RYK: variants seen among roughly 807,000 people sequenced by gnomAD.
The protein encoded by RYK is receptor like tyrosine kinase.
RYK carries 21 observed loss-of-function variants against 70.2 expected under a neutral mutation model. The observed-to-expected ratio is 0.30, with a 90% CI of 0.21 to 0.43. RYK has a LOEUF of 0.43. Ranked by LOEUF, RYK falls within the 20% of genes least tolerant of loss-of-function variation. The pLI is 1.00. For missense variants in RYK, 604 were observed against 753.3 expected, an observed-to-expected ratio of 0.80 and a Z score of 2.32; for synonymous variants, 267 against 278.0, an observed-to-expected ratio of 0.96 and a Z score of 0.39.
intron 1 of RYK, among the ~76,000 whole-genome samples, chr3:134,227,444 G>A (rs372506106): frequency 9.9e-5 from 15 of 151,282 alleles, no homozygotes; most frequent in African/African-American, 3.2e-4. Flanking sequence ...TGCCAACAAC[G>A]ATCTTGAAAA....
At chr3:134,236,953 C>A (rs1236832586) in intron 1 of RYK, among the ~76,000 whole-genome samples, 2 of 152,184 alleles carry the variant, frequency 1.3e-5, no homozygotes, top group African/African-American at 4.8e-5. Flanking sequence ...ATTAACCAGA[C>A]TTAAATTTCC....
At chr3:134,235,287 G>C (rs1030380397) in intron 1 of RYK, among the ~76,000 whole-genome samples, 1 of 151,490 alleles carries the variant, frequency 6.6e-6, no homozygotes, top group African/African-American at 2.4e-5. Flanking sequence ...AATTGTCAAT[G>C]CATGGTTAAT....
rs138004353 is a variant in RYK, at chr3:134,191,166, A to G, written c.1015+683T>C. Among the ~76,000 whole-genome samples, 5 of 152,342 alleles carry G rather than the reference A, an allele frequency of 3.3e-5. No homozygotes were observed. The East Asian group carries it at 7.7e-4, about 23-fold the overall frequency. On this transcript the variant is annotated intron_variant, in intron 8 of 14. Transcript: ENST00000623711. ...TTTAACAACATGAAGAGCTCAGTGC[A>G]GTATTTTATTATTAATTTCTGTCTT...
chr3:134,200,353 T>C (rs2013964838), intron 6 of RYK, among the ~76,000 whole-genome samples: 1 of 151,974 alleles, frequency 6.6e-6, no homozygotes, highest in Non-Finnish European at 1.5e-5. Context: ...TAACACTCAC[T>C]GCGAAGGTCT....
intron 13 of RYK, among the ~76,000 whole-genome samples, chr3:134,162,957 A>G (rs2012528719): frequency 6.6e-6 from 1 of 152,204 alleles, no homozygotes; most frequent in Admixed American, 6.5e-5. Flanking sequence ...CCATCCACTG[A>G]CATTATAACA....
At position 134,211,668 on chromosome 3, in the gene RYK, T is replaced by C. The variant is rs146980442; in HGVS notation, c.355-61A>G. 2.7e-4 allele frequency: 299 copies of C among 1,096,658 alleles called. No homozygotes were observed. The African/African-American group carries it at 4.0e-3, about 15-fold the overall frequency. The allele number at this position is 1,096,658 out of a possible 1,614,324, so 67.9% of individuals were successfully genotyped here. ...TGATAACAAGAAGGATACTATCAGCTTGACTTCATTAATTGGCTCATTAAT... is the reference window on the plus strand; with the variant it reads ...TGATAACAAGAAGGATACTATCAGCCTGACTTCATTAATTGGCTCATTAAT... On this transcript the variant is annotated intron_variant, in intron 2 of 14. Coordinates refer to ENST00000623711, the MANE Select transcript of RYK (RefSeq NM_002958.4).
At chr3:134,222,319 G>T in intron 2 of RYK, 99 bp downstream of exon 2, 1 of 1,208,672 alleles carries the variant, frequency 8.3e-7, no homozygotes, top group Non-Finnish European at 1.2e-6. Context: ...ATCACCAGCG[G>T]ACCCTTCAGT....
intron 13 of RYK, chr3:134,170,832 C>A: frequency 6.5e-6 from 1 of 154,518 alleles, no homozygotes; most frequent in South Asian, 1.8e-4. Context: ...CCCAAGAATT[C>A]AGACCCTGGC....
intron 8 of RYK, among the ~76,000 whole-genome samples, chr3:134,189,359 G>C (rs1266640927): frequency 6.6e-6 from 1 of 152,042 alleles, no homozygotes; most frequent in Non-Finnish European, 1.5e-5. Flanking sequence ...TACAAGTTTT[G>C]GATCCAGACA....
At chr3:134,222,717 A>G (rs1453959420) in intron 1 of RYK, among the ~76,000 whole-genome samples, 178 bp from the exon 2 acceptor site, 2 of 152,188 alleles carry the variant, frequency 1.3e-5, no homozygotes, top group Admixed American at 1.3e-4. Flanking sequence ...ATCATCACCA[A>G]GAAAGATGAA....
intron 6 of RYK, among the ~76,000 whole-genome samples, chr3:134,198,102 G>A (rs1045538533): frequency 1.3e-5 from 2 of 152,138 alleles, no homozygotes; most frequent in African/African-American, 4.8e-5. Flanking sequence ...CACCTACATA[G>A]CTATATCACA....
intron 1 of RYK, among the ~76,000 whole-genome samples, chr3:134,224,097 T>C (rs4077158): frequency 0.47 from 71,653 of 151,994 alleles, 17,630 homozygotes; most frequent in Middle Eastern, 0.64. Flanking sequence ...CCAGAGATCG[T>C]AGAAATAAAG....
chr3:134,182,155 C>CAA (rs201391893), intron 10 of RYK, among the ~76,000 whole-genome samples: 6 of 101,804 alleles, frequency 5.9e-5, no homozygotes, highest in Middle Eastern at 5.8e-3. Context: ...ACTCTGTCTC[C>CAA]AAAAAAAAAA....
chr3:134,206,091 A>AT (rs369731832), intron 5 of RYK, among the ~76,000 whole-genome samples: 3 of 152,180 alleles, frequency 2.0e-5, no homozygotes, highest in South Asian at 2.1e-4. Context: ...CAACAGTGAC[A>AT]TTTTTTTTAA....
chr3:134,165,143 G>A (rs1488172969), intron 13 of RYK, among the ~76,000 whole-genome samples: 4 of 151,992 alleles, frequency 2.6e-5, no homozygotes, highest in Admixed American at 6.6e-5. Context: ...TGAGAACTTC[G>A]TATTTTTGAT....
At chr3:134,181,263 A>T (rs1327255819) in intron 10 of RYK, 1 of 152,178 alleles carries the variant, frequency 6.6e-6, no homozygotes. Flanking sequence ...AAGCACTTTC[A>T]ACACTGCCAA....
At chr3:134,205,260 G>A (rs868350767) in intron 5 of RYK, among the ~76,000 whole-genome samples, 1 of 152,040 alleles carries the variant, frequency 6.6e-6, no homozygotes, top group Non-Finnish European at 1.5e-5. Context: ...TGGAGTTCTG[G>A]GGATAGGTCA....
chr3:134,209,877 C>T, intron 3 of RYK, 48 bp from the exon 4 acceptor site: 3 of 1,251,252 alleles, frequency 2.4e-6, no homozygotes, highest in Admixed American at 3.4e-5. Context: ...TAAAAATCAA[C>T]ATTAATGCCC....
chr3:134,202,418 G>A, intron 6 of RYK: 1 of 252,254 alleles, frequency 4.0e-6, no homozygotes, highest in Admixed American at 5.8e-5. Context: ...GATCTAGAAG[G>A]AAGAAACAGG....
Sources: allele counts gnomAD v4.1 joint callset (sites outside exome capture counted in the v4.1 genomes callset), GRCh38; gene constraint gnomAD v4.1.1; transcripts MANE v1.5; gene names NCBI Gene and HGNC (gene_info 2026-07-23, HGNC 2026-07-21).